Variants in TNIK observed in about 807,000 individuals in gnomAD.
TNIK encodes TRAF2 and NCK interacting kinase.
TNIK carries 49 observed loss-of-function variants against 191.3 expected under a neutral mutation model. The ratio of observed to expected loss-of-function variants is 0.26; its 90% CI spans 0.20 to 0.32. TNIK has a LOEUF of 0.32. TNIK is among the 10% of genes least tolerant of loss of function. The pLI is 1.00. For synonymous variants in TNIK, 594 were observed against 600.9 expected (o/e 0.99, Z 0.17); for missense variants, 1,155 against 1,702.3 (o/e 0.68, Z 5.66).
intron 3 of TNIK, among the ~76,000 whole-genome samples, chr3:171,213,542 T>G (rs544304370): frequency 6.6e-6 from 1 of 152,204 alleles, no homozygotes; most frequent in South Asian, 2.1e-4. Context: ...GGGGACTGCC[T>G]ATAAAAAGCT....
At chr3:171,395,381 T>C (rs1236138981) in intron 1 of TNIK, among the ~76,000 whole-genome samples, 1 of 152,214 alleles carries the variant, frequency 6.6e-6, no homozygotes, top group Non-Finnish European at 1.5e-5. Flanking sequence ...AAAGATTGCA[T>C]ATAAAGCTCC....
intron 15 of TNIK, among the ~76,000 whole-genome samples, chr3:171,133,695 G>T (rs763758807): frequency 6.6e-6 from 1 of 152,098 alleles, no homozygotes; most frequent in Non-Finnish European, 1.5e-5. Context: ...ATGCAGAAAT[G>T]GAGGAAAGAT....
chr3:171,438,732 C>T (rs1476348126), intron 1 of TNIK, among the ~76,000 whole-genome samples: 3 of 152,152 alleles, frequency 2.0e-5, no homozygotes, highest in Admixed American at 6.5e-5. Flanking sequence ...ATATGTTTTT[C>T]ATAAGAAAGT....
rs541141293 is a variant in TNIK at position 171,188,999 on chromosome 3, G to A, written c.509-167C>T. On this transcript the variant is annotated intron_variant, in intron 6 of 32. Coordinates refer to ENST00000436636, the MANE Select transcript of TNIK (RefSeq NM_015028.4). ...GGGCACTAAGCACATCCACACTGTT[G>A]TGCAACCTTCACCACTGTCCATCTC... is the stretch of plus-strand genomic sequence containing the variant. Among the ~76,000 whole-genome samples, 3 of 152,272 alleles carry A rather than the reference G, an allele frequency of 2.0e-5. No individual in the cohort carries two copies. The South Asian group carries it at 6.2e-4, about 32-fold the overall frequency.
intron 13 of TNIK, among the ~76,000 whole-genome samples, chr3:171,140,187 G>A (rs927716720): frequency 6.6e-6 from 1 of 152,202 alleles, no homozygotes; most frequent in African/African-American, 2.4e-5. Flanking sequence ...GGTATGTCAG[G>A]GAACTCTGTC....
rs1455582320 is a variant in TNIK, at chr3:171,062,976, C to T, written c.*905G>A. 2 of 152,160 alleles carry T rather than the reference C, an allele frequency of 1.3e-5. No homozygotes were observed. The highest frequency in any genetic ancestry group is 2.4e-5 in the African/African-American group (1 of 41,426). The allele number at this position is 152,160 out of a possible 1,614,324, so 9.4% of individuals were successfully genotyped here. The stretch of plus-strand genomic sequence containing the variant: ...TAAAAAAGACTATGTAAGCTTGTTT[C>T]CCAGAAGCTCTTTCTGTCTGACCCC... On this transcript the variant is annotated 3_prime_UTR_variant, in exon 33 of 33. Transcript: ENST00000436636.
intron 7 of TNIK, among the ~76,000 whole-genome samples, chr3:171,180,649 C>T (rs933523059): frequency 2.2e-4 from 33 of 152,162 alleles, no homozygotes; most frequent in Admixed American, 1.3e-4. Flanking sequence ...TTGCAGATCA[C>T]CTAGCCAAAC....
chr3:171,314,184 A>G (rs1251626220), intron 2 of TNIK, among the ~76,000 whole-genome samples: 1 of 152,204 alleles, frequency 6.6e-6, no homozygotes, highest in Non-Finnish European at 1.5e-5. Context: ...TCCCTTTACA[A>G]CCACATCTCT....
At chr3:171,113,981 G>A (rs996698337) in intron 18 of TNIK, among the ~76,000 whole-genome samples, 15 of 124,346 alleles carry the variant, frequency 1.2e-4, no homozygotes, top group Admixed American at 5.3e-4. Context: ...CAGCTGCTGA[G>A]GATTTTACGA....
chr3:171,099,247 C>A (rs1723123363), intron 22 of TNIK, among the ~76,000 whole-genome samples: 1 of 152,116 alleles, frequency 6.6e-6, no homozygotes, highest in African/African-American at 2.4e-5. Flanking sequence ...AAAGAGCACA[C>A]TTCTTGGTCT....
At chr3:171,361,385 G>A (rs1462721166) in intron 2 of TNIK, among the ~76,000 whole-genome samples, 1 of 152,070 alleles carries the variant, frequency 6.6e-6, no homozygotes, top group Non-Finnish European at 1.5e-5. Flanking sequence ...TAGAGCAATC[G>A]ACCCACCCAT....
At chr3:171,064,747 T>C (rs1718209004) in intron 32 of TNIK, among the ~76,000 whole-genome samples, 1 of 152,198 alleles carries the variant, frequency 6.6e-6, no homozygotes, top group Non-Finnish European at 1.5e-5. Flanking sequence ...GAAAGTAATA[T>C]TTTGGGCTAT....
intron 2 of TNIK, among the ~76,000 whole-genome samples, chr3:171,271,504 T>C (rs891466247): frequency 1.2e-4 from 18 of 152,242 alleles, no homozygotes; most frequent in African/African-American, 4.3e-4. Flanking sequence ...GAAACACTTA[T>C]GTCCATCTGT....
At chr3:171,454,420 T>A (rs1451183804) in intron 1 of TNIK, among the ~76,000 whole-genome samples, 1 of 152,194 alleles carries the variant, frequency 6.6e-6, no homozygotes, top group Non-Finnish European at 1.5e-5. Flanking sequence ...GAATATTTCC[T>A]GAAAGAAATG....
chr3:171,315,090 C>T (rs1470622299), intron 2 of TNIK, among the ~76,000 whole-genome samples: 2 of 152,108 alleles, frequency 1.3e-5, no homozygotes, highest in Non-Finnish European at 2.9e-5. Context: ...GGGAAAAACA[C>T]GAATTGCCTG....
At chr3:171,110,984 C>G in intron 18 of TNIK, 107 bp from the exon 19 acceptor site, 1 of 1,143,734 alleles carries the variant, frequency 8.7e-7, no homozygotes, top group African/African-American at 1.6e-5. Context: ...GAACTCAAAA[C>G]AGCTCAATAG....
At chr3:171,215,098 A>G (rs1373996636) in intron 3 of TNIK, among the ~76,000 whole-genome samples, 2 of 152,108 alleles carry the variant, frequency 1.3e-5, no homozygotes, top group Admixed American at 1.3e-4. Flanking sequence ...GAGGCCCGAA[A>G]AGCACTTATG....
At chr3:171,114,579 G>A (rs1323395132) in intron 18 of TNIK, among the ~76,000 whole-genome samples, 1 of 152,092 alleles carries the variant, frequency 6.6e-6, no homozygotes, top group Non-Finnish European at 1.5e-5. Flanking sequence ...CCATGACTGT[G>A]GAAAAATGCA....
At chr3:171,358,228 T>C (rs1247642232) in intron 2 of TNIK, among the ~76,000 whole-genome samples, 2 of 152,222 alleles carry the variant, frequency 1.3e-5, no homozygotes, top group East Asian at 3.8e-4. Flanking sequence ...GAAAATGTAT[T>C]AGTCTGTTTT....
Sources: gnomAD v4.1 joint callset for allele counts (sites outside exome capture counted in the v4.1 genomes callset) on GRCh38, gnomAD v4.1.1 for gene constraint, MANE v1.5 for transcripts, NCBI Gene and HGNC (gene_info 2026-07-23, HGNC 2026-07-21) for gene names.